The following ACOXL variants were observed in gnomAD, a reference collection of about 807,000 sequenced individuals.
ACOXL encodes the protein acyl-coenzyme A oxidase-like protein.
ACOXL carries 70 observed loss-of-function variants against 71.9 expected under a neutral mutation model. The observed-to-expected ratio is 0.97, with a 90% CI of 0.80 to 1.19. The LOEUF is 1.19. ACOXL is among the 50% of genes most tolerant of loss of function. The pLI, the probability that ACOXL is intolerant of heterozygous loss-of-function variation, is 0.00. For missense variants in ACOXL, 703 were observed against 736.3 expected (o/e 0.95, Z 0.52); for synonymous variants, 253 against 281.6 (o/e 0.90, Z 1.02).
At chr2:110,746,374 C>T (rs1418565576) in intron 1 of ACOXL, among the ~76,000 whole-genome samples, 1 of 152,086 alleles carries the variant, frequency 6.6e-6, no homozygotes, top group Non-Finnish European at 1.5e-5. Flanking sequence ...ATTGACTCAA[C>T]CTTTCCTTTG....
At chr2:111,095,314 T>C (rs1159770492) in intron 17 of ACOXL, among the ~76,000 whole-genome samples, 1 of 151,392 alleles carries the variant, frequency 6.6e-6, no homozygotes, top group Non-Finnish European at 1.5e-5. Context: ...ATATGCAATA[T>C]ATCAGAGGAA....
chr2:110,812,027 TCA>T (rs1424757911), intron 9 of ACOXL, among the ~76,000 whole-genome samples: 1 of 152,180 alleles, frequency 6.6e-6, no homozygotes. Context: ...GCTCTTGTCA[TCA>T]GTTTATTTAG....
chr2:111,034,303 A>G (rs1325546840), intron 15 of ACOXL, among the ~76,000 whole-genome samples: 1 of 152,074 alleles, frequency 6.6e-6, no homozygotes, highest in Non-Finnish European at 1.5e-5. Context: ...GCTAATCACT[A>G]CTCTAGGAAA....
intron 17 of ACOXL, among the ~76,000 whole-genome samples, chr2:111,105,652 TG>T (rs1405990716): frequency 2.0e-5 from 3 of 152,144 alleles, no homozygotes; most frequent in Admixed American, 2.0e-4. Flanking sequence ...TATTTTTATA[TG>T]TTTTATATAT....
intron 12 of ACOXL, among the ~76,000 whole-genome samples, chr2:110,959,872 T>C (rs1440673025): frequency 6.6e-6 from 1 of 152,166 alleles, no homozygotes; most frequent in East Asian, 1.9e-4. Context: ...GAGTCAAAGT[T>C]GGGTACCACA....
At chr2:111,014,024 A>G (rs1480950119) in intron 14 of ACOXL, among the ~76,000 whole-genome samples, 1 of 152,248 alleles carries the variant, frequency 6.6e-6, no homozygotes, top group African/African-American at 2.4e-5. Context: ...ATGAAATCCA[A>G]CATGAGCTGA....
At chr2:111,109,671 ATTTT>A (rs869081161) in intron 17 of ACOXL, among the ~76,000 whole-genome samples, 58 of 75,664 alleles carry the variant, frequency 7.7e-4, no homozygotes, top group East Asian at 2.6e-3. Context: ...TTCTCCTTCT[ATTTT>A]TTTTTTTTTT....
intron 12 of ACOXL, among the ~76,000 whole-genome samples, chr2:110,975,003 G>C (rs2062380425): frequency 6.6e-6 from 1 of 152,204 alleles, no homozygotes; most frequent in Non-Finnish European, 1.5e-5. Flanking sequence ...TTCTTCCCCT[G>C]CAGGAATGCC....
At position 110,980,579 on chromosome 2, in the gene ACOXL, G is replaced by T. The variant is rs190176820; in HGVS notation, c.1060-6529G>T. ...CATTGGGCCTGTGGGCTCTGCTTCAGGTCAGAAATTCTAACAGGAAATCGC... is the reference window on the plus strand; with the variant it reads ...CATTGGGCCTGTGGGCTCTGCTTCATGTCAGAAATTCTAACAGGAAATCGC... On this transcript the variant is annotated intron_variant, in intron 12 of 17. Coordinates refer to ENST00000439055, the MANE Select transcript of ACOXL (RefSeq NM_001142807.4). 4.2e-3 allele frequency among the ~76,000 whole-genome samples: 644 copies of T among 152,314 alleles called. 5 individuals carry two copies. The highest frequency in any genetic ancestry group is 0.015 in the African/African-American group (607 of 41,566).
At chr2:111,040,414 A>T (rs1421970715) in intron 15 of ACOXL, among the ~76,000 whole-genome samples, 2 of 152,212 alleles carry the variant, frequency 1.3e-5, no homozygotes, top group Non-Finnish European at 2.9e-5. Context: ...TCCTTCGGAA[A>T]CAATCCTGAT....
intron 16 of ACOXL, among the ~76,000 whole-genome samples, chr2:111,078,100 A>G (rs1381784701): frequency 1.3e-5 from 2 of 151,696 alleles, no homozygotes; most frequent in East Asian, 3.9e-4. Flanking sequence ...TTGCCAGTCT[A>G]TTTTCTCTCT....
chr2:110,890,265 A>G (rs1321773514), intron 10 of ACOXL, among the ~76,000 whole-genome samples: 1 of 151,164 alleles, frequency 6.6e-6, no homozygotes, highest in African/African-American at 2.4e-5. Context: ...TTGTCTTTTC[A>G]CTTTCTTGAT....
At chr2:110,785,903 C>G (rs1683901714) in intron 3 of ACOXL, among the ~76,000 whole-genome samples, 1 of 152,196 alleles carries the variant, frequency 6.6e-6, no homozygotes, top group Non-Finnish European at 1.5e-5. Context: ...TAATCGGATC[C>G]TGTGGACCCA....
chr2:111,099,809 A>G (rs2069020254), intron 17 of ACOXL: 1 of 152,198 alleles, frequency 6.6e-6, no homozygotes, highest in African/African-American at 2.4e-5. Context: ...ATCAGCTGAG[A>G]CTCATTTTAA....
intron 12 of ACOXL, among the ~76,000 whole-genome samples, chr2:110,945,367 T>C (rs1445015690): frequency 6.6e-6 from 1 of 152,044 alleles, no homozygotes; most frequent in Non-Finnish European, 1.5e-5. Flanking sequence ...GTCAACTTTT[T>C]TTTTTTTTTT....
At chr2:110,935,603 C>G (rs1309634133) in intron 12 of ACOXL, among the ~76,000 whole-genome samples, 2 of 152,170 alleles carry the variant, frequency 1.3e-5, no homozygotes, top group African/African-American at 4.8e-5. Flanking sequence ...GAATGCCAGC[C>G]CCCCAGGCAC....
chr2:110,962,673 G>A (rs188166231), intron 12 of ACOXL, among the ~76,000 whole-genome samples: 1 of 152,362 alleles, frequency 6.6e-6, no homozygotes, highest in East Asian at 1.9e-4. Context: ...CCCCAGGCAT[G>A]AAAGGTACCT....
chr2:110,980,398 A>G (rs1480007831), intron 12 of ACOXL, among the ~76,000 whole-genome samples: 1 of 152,158 alleles, frequency 6.6e-6, no homozygotes, highest in Non-Finnish European at 1.5e-5. Context: ...CAGGGGACTG[A>G]TGTCATGTGG....
chr2:111,006,749 G>C (rs1026279024), intron 14 of ACOXL, among the ~76,000 whole-genome samples: 3 of 151,902 alleles, frequency 2.0e-5, no homozygotes, highest in African/African-American at 7.3e-5. Flanking sequence ...AGTAGAGATG[G>C]GATTTCGCCA....
Sources: allele counts gnomAD v4.1 joint callset (sites outside exome capture counted in the v4.1 genomes callset), GRCh38; gene constraint gnomAD v4.1.1; transcripts MANE v1.5; gene names NCBI Gene and HGNC (gene_info 2026-07-23, HGNC 2026-07-21).